The following TAF4B variants were observed in gnomAD, a reference collection of about 807,000 sequenced individuals.
TAF4B encodes TATA-box binding protein associated factor 4b.
Under a neutral mutation model 86.4 loss-of-function variants are expected in TAF4B, and 38 were observed. The observed-to-expected ratio is 0.44, with a 90% CI of 0.34 to 0.58. The LOEUF (loss-of-function observed/expected upper bound fraction) is 0.58, where lower values mean the gene tolerates loss of function less well. Among genes scored for constraint, TAF4B ranks in the 20% least tolerant of loss-of-function variants. The pLI is 0.02. For missense variants in TAF4B, 988 were observed against 1,027.6 expected, an observed-to-expected ratio of 0.96 and a Z score of 0.53; for synonymous variants, 388 against 391.2, an observed-to-expected ratio of 0.99 and a Z score of 0.10.
At chr18:26,256,557 T>G (rs1023517720) in intron 1 of TAF4B, among the ~76,000 whole-genome samples, 1 of 152,034 alleles carries the variant, frequency 6.6e-6, no homozygotes, top group Non-Finnish European at 1.5e-5. Context: ...TGCTTTAGTT[T>G]TCATTTTGCT....
At chr18:26,360,301 GTT>G (rs757259000) in intron 14 of TAF4B, among the ~76,000 whole-genome samples, 33 of 152,078 alleles carry the variant, frequency 2.2e-4, no homozygotes, top group Non-Finnish European at 1.6e-4. Flanking sequence ...TTAATAGAGT[GTT>G]TAAGTTATGA....
chr18:26,278,811 C>T (rs115211520), intron 5 of TAF4B, among the ~76,000 whole-genome samples: 6,339 of 152,038 alleles, frequency 0.042, 183 homozygotes, highest in Non-Finnish European at 0.058. Flanking sequence ...TCACACATAC[C>T]CCTGAAATGC....
At chr18:26,269,398 A>G (rs1044380336) in intron 3 of TAF4B, among the ~76,000 whole-genome samples, 5 of 152,206 alleles carry the variant, frequency 3.3e-5, no homozygotes, top group Admixed American at 6.5e-5. Flanking sequence ...TATTGCCTCT[A>G]TGTTTGTACT....
chr18:26,232,985 G>T (rs1422736744), intron 1 of TAF4B, among the ~76,000 whole-genome samples: 2 of 152,152 alleles, frequency 1.3e-5, no homozygotes, highest in African/African-American at 2.4e-5. Flanking sequence ...CACTGATAGG[G>T]TCTGATTTCC....
At chr18:26,332,904 C>G (rs1245185000) in intron 12 of TAF4B, among the ~76,000 whole-genome samples, 2 of 152,048 alleles carry the variant, frequency 1.3e-5, no homozygotes, top group East Asian at 3.9e-4. Flanking sequence ...CACATGATCT[C>G]CAGCCTTTCT....
chr18:26,254,285 G>A (rs911394975), intron 1 of TAF4B, among the ~76,000 whole-genome samples: 1 of 150,992 alleles, frequency 6.6e-6, no homozygotes, highest in African/African-American at 2.4e-5. Context: ...TCTAGGTAAA[G>A]GTTTGTCAGT....
At position 26,292,461 on chromosome 18, in the gene TAF4B, TAAGAG is replaced by T. The variant is rs376978599; in HGVS notation, c.1726+87_1726+91del. 4,606 of 1,454,030 alleles carry T rather than the reference TAAGAG, an allele frequency of 3.2e-3. 10 individuals carry two copies. Among genetic ancestry groups the T allele is most frequent in the Non-Finnish European group, 4.0e-3 (4,281 of 1,077,120 alleles). 90.1% of individuals were successfully genotyped at this position (1,454,030 alleles called of 1,614,324 possible). A position where few individuals can be genotyped will look rare whatever the true frequency, so the allele number is the denominator to read the frequency against. ...TTGTATAACTTTTTTGTTGCTGTGT[TAAGAG>T]AAGAGAGGTTTGGTCTTTTAAAGTT... On this transcript the variant is annotated intron_variant, in intron 8 of 14. Coordinates refer to ENST00000269142, the MANE Select transcript of TAF4B (RefSeq NM_005640.3).
chr18:26,276,388 A>G (rs141258507), intron 5 of TAF4B, among the ~76,000 whole-genome samples: 653 of 152,348 alleles, frequency 4.3e-3, no homozygotes, highest in Non-Finnish European at 7.3e-3. Flanking sequence ...TGCTGAGGAT[A>G]TAACAAACAA....
intron 14 of TAF4B, among the ~76,000 whole-genome samples, chr18:26,381,368 C>T (rs1231311489): frequency 6.6e-6 from 1 of 151,768 alleles, no homozygotes; most frequent in Non-Finnish European, 1.5e-5. Context: ...CAATGTGCAT[C>T]CTTAACTGAC....
chr18:26,347,481 A>G (rs2057209481), intron 13 of TAF4B, among the ~76,000 whole-genome samples: 1 of 152,228 alleles, frequency 6.6e-6, no homozygotes, highest in African/African-American at 2.4e-5. Flanking sequence ...GAAAAGATCC[A>G]CCTACACAAA....
rs1435679048 is a variant in TAF4B, at chr18:26,315,138, C to CTCTCTCTG, written c.1833-83_1833-76dup. ...TCTCTCTCTCTCTCTCTCTCTCTCT[C>CTCTCTCTG]TCTCTCTGTCTCTCTCTCTCTCTCA... On this transcript the variant is annotated intron_variant, in intron 9 of 14. Transcript: ENST00000269142. 7.8e-5 allele frequency: 17 copies of CTCTCTCTG among 217,736 alleles called. No individual in the cohort carries two copies. The African/African-American group carries it at 1.0e-3, about 13-fold the overall frequency. The allele number at this position is 217,736 out of a possible 1,614,324, so 13.5% of individuals were successfully genotyped here.
intron 12 of TAF4B, among the ~76,000 whole-genome samples, chr18:26,332,822 G>A (rs1365070573): frequency 3.9e-5 from 6 of 152,018 alleles, no homozygotes; most frequent in Non-Finnish European, 8.8e-5. Flanking sequence ...GTGAGCCACC[G>A]TGCCCAGCCC....
At chr18:26,369,521 T>C (rs1365233732) in intron 14 of TAF4B, among the ~76,000 whole-genome samples, 1 of 152,196 alleles carries the variant, frequency 6.6e-6, no homozygotes, top group Non-Finnish European at 1.5e-5. Context: ...CCATGAAGCA[T>C]TTTGACTTTG....
Position 26,274,650 on chromosome 18 carries a change from C to A in TAF4B, c.598-13C>A. On this transcript the variant is annotated splice_polypyrimidine_tract_variant and intron_variant, in intron 3 of 14. Transcript: ENST00000269142. ...GTAATACATGCCTAAATATTTAATA[C>A]CTTTAATTTCAGTCTGTGGCTGTGC... is the stretch of plus-strand genomic sequence containing the variant. 3 of 1,613,938 alleles carry A rather than the reference C, an allele frequency of 1.9e-6. No homozygotes were observed. Among genetic ancestry groups the A allele is most frequent in the Non-Finnish European group, 1.7e-6 (2 of 1,179,932 alleles).
intron 11 of TAF4B, 68 bp downstream of exon 11, chr18:26,321,268 T>C: frequency 2.0e-6 from 3 of 1,533,824 alleles, no homozygotes; most frequent in Non-Finnish European, 2.7e-6. Flanking sequence ...CGTGGATTGA[T>C]ATTCTAAACA....
chr18:26,373,100 G>A (rs944590932), intron 14 of TAF4B, among the ~76,000 whole-genome samples: 2 of 152,176 alleles, frequency 1.3e-5, no homozygotes, highest in African/African-American at 4.8e-5. Flanking sequence ...TTGGGAGCTT[G>A]TTGAGAAACC....
At chr18:26,372,134 C>T (rs1018859144) in intron 14 of TAF4B, among the ~76,000 whole-genome samples, 5 of 152,118 alleles carry the variant, frequency 3.3e-5, no homozygotes, top group Non-Finnish European at 5.9e-5. Flanking sequence ...ATAAACTCAG[C>T]GACTAACAGT....
chr18:26,288,831 A>G (rs1475155548), intron 7 of TAF4B, among the ~76,000 whole-genome samples: 1 of 152,206 alleles, frequency 6.6e-6, no homozygotes, highest in Non-Finnish European at 1.5e-5. Context: ...GTTATACATT[A>G]TAAATCATTT....
intron 5 of TAF4B, among the ~76,000 whole-genome samples, chr18:26,279,049 T>G (rs973409482): frequency 1.1e-4 from 16 of 151,386 alleles, no homozygotes; most frequent in African/African-American, 1.7e-4. Context: ...GAGAAAGAAA[T>G]AAAGGCCTCC....
Sources: allele counts gnomAD v4.1 joint callset (sites outside exome capture counted in the v4.1 genomes callset), GRCh38; gene constraint gnomAD v4.1.1; transcripts MANE v1.5; gene names NCBI Gene and HGNC (gene_info 2026-07-23, HGNC 2026-07-21).